DENND4C: variants seen among roughly 807,000 people sequenced by gnomAD.
DENND4C encodes the protein DENN domain containing 4C.
A neutral mutation model predicts 203.0 loss-of-function variants in DENND4C; 108 were observed. The observed-to-expected ratio is 0.53, with a 90% CI of 0.46 to 0.62. The LOEUF (loss-of-function observed/expected upper bound fraction) is 0.62, where lower values mean the gene tolerates loss of function less well. DENND4C is among the 20% of genes least tolerant of loss of function. The probability of loss-of-function intolerance (pLI) is 0.00; values close to 1 mark genes in which losing one functional copy is unlikely to be tolerated. For missense variants in DENND4C, 2,481 were observed against 2,301.2 expected, an observed-to-expected ratio of 1.08 and a Z score of -1.60; for synonymous variants, 871 against 792.4, an observed-to-expected ratio of 1.10 and a Z score of -1.67.
chr9:19,323,809 A>G (rs554240768), intron 12 of DENND4C, among the ~76,000 whole-genome samples: 78 of 152,310 alleles, frequency 5.1e-4, no homozygotes, highest in African/African-American at 1.8e-3. Flanking sequence ...GGGGATTTAG[A>G]TTTCAGTGAA....
chr9:19,365,515 T>G (rs1393480201), intron 30 of DENND4C, among the ~76,000 whole-genome samples: 2 of 152,142 alleles, frequency 1.3e-5, no homozygotes, highest in Non-Finnish European at 2.9e-5. Flanking sequence ...TATTTACCAT[T>G]CTACCAGAGG....
At chr9:19,256,136 C>T (rs1827860512) in intron 1 of DENND4C, among the ~76,000 whole-genome samples, 1 of 150,718 alleles carries the variant, frequency 6.6e-6, no homozygotes, top group South Asian at 2.1e-4. Flanking sequence ...GTCTTGATAA[C>T]TATGAAAGAA....
chr9:19,336,529 A>G, intron 19 of DENND4C, 115 bp downstream of exon 19: 3 of 1,441,142 alleles, frequency 2.1e-6, no homozygotes, highest in South Asian at 1.5e-5. Context: ...TTTCACATAC[A>G]TTTAAAGACA....
chr9:19,235,841 G>A lies in DENND4C; in HGVS notation c.-18+5008G>A, dbSNP rs190731385. 3.0e-4 allele frequency among the ~76,000 whole-genome samples: 46 copies of A among 151,792 alleles called. No individual in the cohort carries two copies. The East Asian group carries it at 7.5e-3, about 25-fold the overall frequency. ...TCTCGATCTTTTGACCTTGTGATCC[G>A]CCCGCCTTGGCCTTCCAAAGTGCTG... On this transcript the variant is annotated intron_variant, in intron 1 of 32. Coordinates refer to ENST00000434457, the MANE Select transcript of DENND4C (RefSeq NM_001330640.2).
rs191772867 is a variant in DENND4C at position 19,273,773 on chromosome 9, G to A, written c.-17-2385G>A. 4.5e-4 allele frequency among the ~76,000 whole-genome samples: 68 copies of A among 152,108 alleles called. 1 individual carries two copies. The highest frequency in any genetic ancestry group is 7.8e-4 in the Non-Finnish European group (53 of 68,022). On this transcript the variant is annotated intron_variant, in intron 1 of 32. Coordinates refer to ENST00000434457, the MANE Select transcript of DENND4C (RefSeq NM_001330640.2). Reference sequence around the variant, plus strand: ...AAATTAAAAAGACTGATCTTACAACGTGTTGAAGAGGATGTAGAACAATTG... The same window carrying A: ...AAATTAAAAAGACTGATCTTACAACATGTTGAAGAGGATGTAGAACAATTG...
rs1005267800 is a variant in DENND4C, at chr9:19,361,715, T to C, written c.5407-131T>C. ...TTTGTCATCAGACATTAATAAAAAT[T>C]AAAATTTTGATTCTGAATTTTAGGT... On this transcript the variant is annotated intron_variant, in intron 29 of 32. Coordinates refer to ENST00000434457, the MANE Select transcript of DENND4C (RefSeq NM_001330640.2). 7 of 524,948 alleles carry C rather than the reference T, an allele frequency of 1.3e-5. No homozygotes were observed. In the African/African-American group the frequency reaches 1.4e-4, roughly 10 times the overall value. The allele number at this position is 524,948 out of a possible 1,614,324, so 32.5% of individuals were successfully genotyped here.
At chr9:19,241,197 T>C (rs911313105) in intron 1 of DENND4C, among the ~76,000 whole-genome samples, 1 of 152,154 alleles carries the variant, frequency 6.6e-6, no homozygotes, top group Non-Finnish European at 1.5e-5. Flanking sequence ...TACACTAAAT[T>C]CATCAAATTT....
At chr9:19,317,672 G>C (rs1333293998) in intron 12 of DENND4C, among the ~76,000 whole-genome samples, 1 of 152,024 alleles carries the variant, frequency 6.6e-6, no homozygotes, top group African/African-American at 2.4e-5. Context: ...TTACTGGCTA[G>C]TTATTATGTA....
chr9:19,345,162 C>T (rs1822575209), intron 22 of DENND4C, among the ~76,000 whole-genome samples: 1 of 152,192 alleles, frequency 6.6e-6, no homozygotes, highest in Admixed American at 6.5e-5. Flanking sequence ...GAAATAACAG[C>T]TTTTGGTCTT....
At chr9:19,308,660 C>A (rs1840160152) in intron 10 of DENND4C, among the ~76,000 whole-genome samples, 1 of 152,118 alleles carries the variant, frequency 6.6e-6, no homozygotes. Flanking sequence ...AGGGGCTCAT[C>A]TTAATTTATC....
At chr9:19,275,944 T>G (rs1832826533) in intron 1 of DENND4C, among the ~76,000 whole-genome samples, 1 of 152,176 alleles carries the variant, frequency 6.6e-6, no homozygotes, top group African/African-American at 2.4e-5. Flanking sequence ...GAGAAGATTA[T>G]AGTTGTATTA....
intron 10 of DENND4C, among the ~76,000 whole-genome samples, chr9:19,311,518 A>G (rs891451940): frequency 1.7e-4 from 26 of 152,210 alleles, no homozygotes; most frequent in African/African-American, 6.3e-4. Context: ...CTTTGAAGCC[A>G]AGTATATCGT....
At chr9:19,325,787 G>A (rs1434026615) in intron 13 of DENND4C, 152 bp from the exon 14 acceptor site, 2 of 685,536 alleles carry the variant, frequency 2.9e-6, no homozygotes, top group South Asian at 1.9e-5. Flanking sequence ...TAGCCTAAGA[G>A]TATGTATTCA....
At chr9:19,309,756 G>A (rs1275598864) in intron 10 of DENND4C, among the ~76,000 whole-genome samples, 1 of 150,650 alleles carries the variant, frequency 6.6e-6, no homozygotes, top group Non-Finnish European at 1.5e-5. Context: ...TTTTTTAATT[G>A]ATATCGTAAT....
chr9:19,287,380 C>CT (rs968703240), intron 3 of DENND4C, among the ~76,000 whole-genome samples: 5 of 152,094 alleles, frequency 3.3e-5, no homozygotes, highest in African/African-American at 1.2e-4. Flanking sequence ...CATTTGTTTG[C>CT]TTTTTTTATT....
At chr9:19,259,751 C>T (rs971469836) in intron 1 of DENND4C, among the ~76,000 whole-genome samples, 6 of 152,044 alleles carry the variant, frequency 3.9e-5, no homozygotes, top group South Asian at 2.1e-4. Context: ...GTGATCCGCC[C>T]GCCTCGGCCT....
chr9:19,256,550 G>C (rs1022021160), intron 1 of DENND4C, among the ~76,000 whole-genome samples: 7 of 151,578 alleles, frequency 4.6e-5, no homozygotes, highest in African/African-American at 1.7e-4. Flanking sequence ...CCCAACCTCA[G>C]GTGATCTGCC....
At chr9:19,345,672 G>GT (rs1471327573) in intron 22 of DENND4C, among the ~76,000 whole-genome samples, 1 of 152,016 alleles carries the variant, frequency 6.6e-6, no homozygotes, top group Non-Finnish European at 1.5e-5. Flanking sequence ...TGCATGATTT[G>GT]TTTTTTTAAA....
rs529852175 is a variant in DENND4C at position 19,319,288 on chromosome 9, G to C, written c.1807+2449G>C. ...ACATATATAGTATATATAAACATTT[G>C]TGTGTATATATATACACATATATAC... On this transcript the variant is annotated intron_variant, in intron 12 of 32. Coordinates refer to ENST00000434457, the MANE Select transcript of DENND4C (RefSeq NM_001330640.2). Among the ~76,000 whole-genome samples, 11 of 140,752 alleles carry C rather than the reference G, an allele frequency of 7.8e-5. No homozygotes were observed. The East Asian group carries it at 2.2e-3, about 29-fold the overall frequency. The allele number at this position is 140,752 out of a possible 152,430, so 92.3% of individuals were successfully genotyped here. A position where few individuals can be genotyped will look rare whatever the true frequency, so the allele number is the denominator to read the frequency against.
Sources: allele counts gnomAD v4.1 joint callset (sites outside exome capture counted in the v4.1 genomes callset), GRCh38; gene constraint gnomAD v4.1.1; transcripts MANE v1.5; gene names NCBI Gene and HGNC (gene_info 2026-07-23, HGNC 2026-07-21).